MITF: variants seen among roughly 807,000 people sequenced by gnomAD.
The protein encoded by MITF is microphthalmia-associated transcription factor.
MITF carries 17 observed loss-of-function variants against 60.5 expected under a neutral mutation model. That is an observed-to-expected ratio of 0.28 (90% CI 0.19 to 0.42). MITF has a LOEUF of 0.42. Ranked by LOEUF, MITF falls within the 10% of genes least tolerant of loss-of-function variation. The pLI, the probability that MITF is intolerant of heterozygous loss-of-function variation, is 1.00. For missense variants in MITF, 622 were observed against 683.5 expected, an observed-to-expected ratio of 0.91 and a Z score of 1.00; for synonymous variants, 260 against 248.5, an observed-to-expected ratio of 1.05 and a Z score of -0.43.
chr3:69,886,003 C>CA (rs2064607266), intron 2 of MITF, among the ~76,000 whole-genome samples: 1 of 152,064 alleles, frequency 6.6e-6, no homozygotes, highest in South Asian at 2.1e-4. Flanking sequence ...CAGGAACTGT[C>CA]ACAGAGGGGT....
intron 1 of MITF, among the ~76,000 whole-genome samples, chr3:69,778,026 C>G (rs761910092): frequency 1.3e-5 from 2 of 151,906 alleles, no homozygotes; most frequent in Admixed American, 6.6e-5. Context: ...GCAGTGTAGG[C>G]AAGAGCTGGG....
intron 1 of MITF, among the ~76,000 whole-genome samples, chr3:69,779,434 T>C (rs2062527539): frequency 6.6e-6 from 1 of 152,130 alleles, no homozygotes; most frequent in Admixed American, 6.5e-5. Context: ...CTGGGAGATA[T>C]TGTGAACTCC....
At chr3:69,866,208 C>G (rs1334923323) in intron 1 of MITF, 1 of 1,596,882 alleles carries the variant, frequency 6.3e-7, no homozygotes, top group East Asian at 2.2e-5. Flanking sequence ...CAGGAGCCAC[C>G]CCTAGTGACA....
At chr3:69,870,390 G>A (rs2064207308) in intron 1 of MITF, among the ~76,000 whole-genome samples, 4 of 147,888 alleles carry the variant, frequency 2.7e-5, no homozygotes, top group African/African-American at 7.4e-5. Context: ...GTATATATAT[G>A]TGTATAAATA....
At position 69,965,248 on chromosome 3, in the gene MITF, G is replaced by A. The variant is rs1388406920; in HGVS notation, c.1581G>A (p.Ter527=). 3 of 1,613,640 alleles carry A rather than the reference G, an allele frequency of 1.9e-6. No individual in the cohort carries two copies. Among genetic ancestry groups the A allele is most frequent in the Non-Finnish European group, 2.5e-6 (3 of 1,179,760 alleles). Residue 527 remains the stop codon, a stop_retained_variant, in exon 10 of 10, where the codon TAG becomes TAA. Coordinates refer to ENST00000352241, the MANE Select transcript of MITF (RefSeq NM_001354604.2). ...TGGAAGAGACGGAGCACACTTGTTA[G>A]CGAATCCTCCCTGCACTGCATTCGC... ...MSMEETEHTC[*]
chr3:69,889,894 A>C (rs184734341), intron 2 of MITF, among the ~76,000 whole-genome samples: 1 of 152,288 alleles, frequency 6.6e-6, no homozygotes, highest in Admixed American at 6.5e-5. Context: ...CAGCAGCCAC[A>C]CGTGGTCTTT....
intron 1 of MITF, among the ~76,000 whole-genome samples, chr3:69,766,018 CTA>C (rs1491034151): frequency 6.6e-6 from 1 of 152,056 alleles, no homozygotes; most frequent in African/African-American, 2.4e-5. Flanking sequence ...ATTGTTTGGG[CTA>C]TGAGTTATCT....
intron 1 of MITF, among the ~76,000 whole-genome samples, chr3:69,845,442 C>CTTTTTTTTTTTT (rs751773040): frequency 1.7e-4 from 23 of 136,788 alleles, no homozygotes; most frequent in Non-Finnish European, 2.2e-4. Context: ...TTTTTTCTTT[C>CTTTTTTTTTTTT]TTTTTTTTTT....
At chr3:69,887,553 TG>T (rs1381441842) in intron 2 of MITF, among the ~76,000 whole-genome samples, 2 of 152,106 alleles carry the variant, frequency 1.3e-5, no homozygotes, top group African/African-American at 4.8e-5. Context: ...TAAATTTAGA[TG>T]TTTTTTGTTT....
chr3:69,918,781 A>G (rs2065395623), intron 2 of MITF, among the ~76,000 whole-genome samples: 1 of 152,244 alleles, frequency 6.6e-6, no homozygotes, highest in African/African-American at 2.4e-5. Flanking sequence ...GAGATGCTCA[A>G]TAAAAGTTAA....
At chr3:69,956,328 A>G (rs2107529622) in intron 7 of MITF, 127 bp from the exon 8 acceptor site, 1 of 754,244 alleles carries the variant, frequency 1.3e-6, no homozygotes. Flanking sequence ...AAAAATAGGG[A>G]AAAAGTAGGT....
intron 7 of MITF, among the ~76,000 whole-genome samples, chr3:69,953,850 A>G (rs561530968): frequency 1.3e-5 from 2 of 152,004 alleles, no homozygotes; most frequent in Non-Finnish European, 2.9e-5. Flanking sequence ...TAAGATGAGC[A>G]AGGGTCAGAA....
intron 5 of MITF, among the ~76,000 whole-genome samples, chr3:69,941,907 T>G (rs1329351424): frequency 6.6e-6 from 1 of 152,212 alleles, no homozygotes; most frequent in East Asian, 1.9e-4. Flanking sequence ...TATGTTACTG[T>G]TTTACCAAAG....
rs760273611 is a variant in MITF at position 69,936,723 on chromosome 3, A to G, written c.355-1099A>G. ...GATTGGTGCCACCTAAAACATTGTT[A>G]TGCTGGAAATGCTAGAATATAATCA... On this transcript the variant is annotated intron_variant, in intron 2 of 9. Transcript: ENST00000352241. 1.2e-6 allele frequency: 2 copies of G among 1,613,722 alleles called. No individual in the cohort carries two copies. Among genetic ancestry groups the G allele is most frequent in the South Asian group, 1.1e-5 (1 of 91,034 alleles).
Position 69,938,617 on chromosome 3 carries a change from G to A in MITF, c.583-481G>A, listed in dbSNP as rs903321065. On this transcript the variant is annotated intron_variant, in intron 3 of 9. Transcript: ENST00000352241. ...TTTCATAATAAAATTGCCACTGCCC[G>A]TTAAATCTGCTTTGGTGAAGGCTGG... 5.1e-5 allele frequency: 69 copies of A among 1,345,286 alleles called. 2 individuals are homozygous for A. The highest frequency in any genetic ancestry group is 1.4e-4 in the South Asian group (7 of 49,850). 83.3% of individuals were successfully genotyped at this position (1,345,286 alleles called of 1,614,324 possible). A position where few individuals can be genotyped will look rare whatever the true frequency, so the allele number is the denominator to read the frequency against.
chr3:69,909,755 C>T (rs191059386), intron 2 of MITF, among the ~76,000 whole-genome samples: 31 of 152,122 alleles, frequency 2.0e-4, no homozygotes, highest in African/African-American at 5.8e-4. Flanking sequence ...GGGTATCTGG[C>T]GGAAGAAATT....
intron 1 of MITF, among the ~76,000 whole-genome samples, chr3:69,856,808 G>C (rs1173880806): frequency 6.6e-6 from 1 of 151,586 alleles, no homozygotes; most frequent in Admixed American, 6.6e-5. Context: ...TATTTTCTTA[G>C]TCTCTTTTCT....
intron 1 of MITF, among the ~76,000 whole-genome samples, chr3:69,745,592 G>A (rs966315500): frequency 1.3e-5 from 2 of 152,184 alleles, no homozygotes; most frequent in Non-Finnish European, 2.9e-5. Flanking sequence ...TCCTAAAGTA[G>A]ACATTTAGGG....
At chr3:69,824,325 C>G (rs767345128) in intron 1 of MITF, among the ~76,000 whole-genome samples, 1 of 152,094 alleles carries the variant, frequency 6.6e-6, no homozygotes, top group Non-Finnish European at 1.5e-5. Context: ...GGGTAGTACT[C>G]ACAAGAACAT....
Sources: allele counts gnomAD v4.1 joint callset (sites outside exome capture counted in the v4.1 genomes callset), GRCh38; gene constraint gnomAD v4.1.1; transcripts MANE v1.5; gene names NCBI Gene and HGNC (gene_info 2026-07-23, HGNC 2026-07-21).